The following ARHGEF26 variants were observed in gnomAD, a reference collection of about 807,000 sequenced individuals.
ARHGEF26 encodes Rho guanine nucleotide exchange factor 26, also known as Rho guanine nucleotide exchange factor (GEF) 26.
ARHGEF26 carries 59 observed loss-of-function variants against 89.4 expected under a neutral mutation model. The ratio of observed to expected loss-of-function variants is 0.66; its 90% CI spans 0.54 to 0.82. ARHGEF26 has a LOEUF of 0.82. Ranked by LOEUF, ARHGEF26 falls within the 40% of genes least tolerant of loss-of-function variation. The pLI is 0.00. For synonymous variants in ARHGEF26, 500 were observed against 428.4 expected (o/e 1.17, Z -2.06); for missense variants, 1,234 against 1,085.6 (o/e 1.14, Z -1.92).
rs746054521 is a variant in ARHGEF26 at position 154,122,140 on chromosome 3, G to A, written c.148G>A (p.Asp50Asn). 5 of 1,603,914 alleles carry A rather than the reference G, an allele frequency of 3.1e-6. No homozygotes were observed. In the Admixed American group the frequency reaches 6.8e-5, roughly 22 times the overall value. Residue 50 changes from aspartate (D) to asparagine (N), a missense_variant, in exon 2 of 15, where the codon GAT becomes AAT. Coordinates refer to ENST00000465093, the MANE Select transcript of ARHGEF26 (RefSeq NM_015595.4). The stretch of plus-strand genomic sequence containing the variant: ...GAGCCCCAACGGGTTACTAATTACG[G>A]ATTTCCCGGTGGAGGACGGAGGGAC... ...YQSPNGLLIT[D>N]FPVEDGGTLL...
chr3:154,206,730 A>G (rs1056766431), intron 9 of ARHGEF26, among the ~76,000 whole-genome samples: 2 of 152,210 alleles, frequency 1.3e-5, no homozygotes, highest in Non-Finnish European at 2.9e-5. Flanking sequence ...TTAAACTGCC[A>G]TTACATTCTT....
At chr3:154,234,699 C>T (rs187858793) in intron 11 of ARHGEF26, among the ~76,000 whole-genome samples, 10 of 152,268 alleles carry the variant, frequency 6.6e-5, no homozygotes, top group South Asian at 2.1e-4. Flanking sequence ...TCAGTCAACT[C>T]GTGCCCTTGT....
At chr3:154,204,152 A>G (rs1714849379) in intron 9 of ARHGEF26, among the ~76,000 whole-genome samples, 1 of 151,916 alleles carries the variant, frequency 6.6e-6, no homozygotes, top group African/African-American at 2.4e-5. Context: ...GAGACTTGTT[A>G]TTACAGCTTC....
intron 6 of ARHGEF26, among the ~76,000 whole-genome samples, chr3:154,177,154 T>C (rs1159721929): frequency 6.6e-6 from 1 of 152,218 alleles, no homozygotes; most frequent in African/African-American, 2.4e-5. Flanking sequence ...TTTAAGAATA[T>C]ACATGCTACA....
intron 10 of ARHGEF26, among the ~76,000 whole-genome samples, chr3:154,219,924 A>G (rs1297445515): frequency 7.0e-5 from 2 of 28,560 alleles, no homozygotes; most frequent in African/African-American, 6.7e-4. Flanking sequence ...AAAAAAAACA[A>G]AAAACAAAAA....
intron 4 of ARHGEF26, among the ~76,000 whole-genome samples, chr3:154,146,393 A>G (rs1210809519): frequency 2.7e-5 from 4 of 149,504 alleles, no homozygotes; most frequent in African/African-American, 2.5e-5. Flanking sequence ...CAAGGTATCA[A>G]AAAGGAAACC....
rs115188977 is a variant in ARHGEF26 at position 154,190,649 on chromosome 3, G to A, written c.1641-640G>A. 8.0e-3 allele frequency among the ~76,000 whole-genome samples: 1,223 copies of A among 152,244 alleles called. 16 individuals carry two copies. Among genetic ancestry groups the A allele is most frequent in the African/African-American group, 0.027 (1,124 of 41,532 alleles). On this transcript the variant is annotated intron_variant, in intron 7 of 14. Transcript: ENST00000465093. Reference sequence around the variant, plus strand: ...CTATCTGGCCTTCCTTAAAAGTTACGTAGGTGGTTCCACATGAAAGAATGT... The same window carrying A: ...CTATCTGGCCTTCCTTAAAAGTTACATAGGTGGTTCCACATGAAAGAATGT...
chr3:154,169,931 A>T (rs534797556), intron 6 of ARHGEF26, among the ~76,000 whole-genome samples: 2 of 152,298 alleles, frequency 1.3e-5, no homozygotes, highest in East Asian at 3.9e-4. Flanking sequence ...ATGGAACATA[A>T]CTTCTGGGAA....
At chr3:154,245,867 G>A (rs976074971) in intron 12 of ARHGEF26, among the ~76,000 whole-genome samples, 1 of 152,174 alleles carries the variant, frequency 6.6e-6, no homozygotes, top group Non-Finnish European at 1.5e-5. Flanking sequence ...ACCATACGGA[G>A]ATCAGATCTC....
intron 6 of ARHGEF26, among the ~76,000 whole-genome samples, chr3:154,168,420 T>C (rs534035335): frequency 1.1e-4 from 17 of 151,970 alleles, no homozygotes; most frequent in Non-Finnish European, 2.4e-4. Context: ...CTACAAAGTA[T>C]ACAAAAATTA....
chr3:154,139,650 C>T (rs1211041310), intron 4 of ARHGEF26, among the ~76,000 whole-genome samples: 1 of 152,144 alleles, frequency 6.6e-6, no homozygotes, highest in Admixed American at 6.5e-5. Flanking sequence ...CTCAGGGCCA[C>T]ATCCACACAG....
intron 4 of ARHGEF26, among the ~76,000 whole-genome samples, chr3:154,147,842 T>A (rs1719789921): frequency 6.6e-6 from 1 of 152,156 alleles, no homozygotes; most frequent in Non-Finnish European, 1.5e-5. Context: ...TTATTTCCAC[T>A]TGATGTTATT....
intron 6 of ARHGEF26, among the ~76,000 whole-genome samples, chr3:154,160,323 A>G (rs900676497): frequency 1.3e-5 from 2 of 152,190 alleles, no homozygotes; most frequent in Admixed American, 1.3e-4. Flanking sequence ...TTCAATAAAG[A>G]AAGAAAAACT....
At chr3:154,123,785 C>G (rs1243076430) in intron 2 of ARHGEF26, among the ~76,000 whole-genome samples, 1 of 152,078 alleles carries the variant, frequency 6.6e-6, no homozygotes, top group South Asian at 2.1e-4. Context: ...GGTATTGCTC[C>G]CCTATATTGT....
At chr3:154,218,893 G>A (rs752506880) in intron 10 of ARHGEF26, among the ~76,000 whole-genome samples, 1 of 152,206 alleles carries the variant, frequency 6.6e-6, no homozygotes, top group African/African-American at 2.4e-5. Flanking sequence ...TTGGCTAGTG[G>A]TGATAAAATC....
At chr3:154,152,624 T>A (rs1432834041) in intron 5 of ARHGEF26, 148 bp from the exon 6 acceptor site, 2 of 497,192 alleles carry the variant, frequency 4.0e-6, no homozygotes, top group African/African-American at 2.0e-5. Flanking sequence ...TTTTGTGATG[T>A]TGTTTCTTTA....
rs777096804 is a variant in ARHGEF26, at chr3:154,122,980, C to T, written c.988C>T (p.Pro330Ser). ...AVVSGFDFDS[P>S]TSSKKKNRMS... The stretch of plus-strand genomic sequence containing the variant: ...GGTCAGTGGCTTTGATTTTGACAGT[C>T]CTACCAGCTCGAAGAAGAAGAACAG... The change falls in exon 2 of 15, where the codon CCT (proline) becomes TCT (serine). Residue 330 changes from proline (P) to serine (S), a missense_variant. Transcript: ENST00000465093. The T allele has an allele frequency of 1.2e-6, 2 of 1,613,760 alleles. No individual in the cohort carries two copies. The highest frequency in any genetic ancestry group is 2.2e-5 in the East Asian group (1 of 44,870).
At chr3:154,179,446 C>G (rs1278507362) in intron 6 of ARHGEF26, among the ~76,000 whole-genome samples, 1 of 152,162 alleles carries the variant, frequency 6.6e-6, no homozygotes, top group East Asian at 1.9e-4. Context: ...GGTTTGGCTC[C>G]TTTTTCCACC....
intron 6 of ARHGEF26, among the ~76,000 whole-genome samples, chr3:154,185,078 C>T (rs1459822580): frequency 1.3e-5 from 2 of 152,142 alleles, no homozygotes; most frequent in East Asian, 1.9e-4. Flanking sequence ...GTGTTTACCA[C>T]AAGAGTGGTC....
Sources: allele counts gnomAD v4.1 joint callset (sites outside exome capture counted in the v4.1 genomes callset), GRCh38; gene constraint gnomAD v4.1.1; transcripts MANE v1.5; gene names NCBI Gene and HGNC (gene_info 2026-07-23, HGNC 2026-07-21).